PTPRN2: variants seen among roughly 807,000 people sequenced by gnomAD.
The protein encoded by PTPRN2 is receptor-type tyrosine-protein phosphatase N2.
PTPRN2 carries 74 observed loss-of-function variants against 118.8 expected under a neutral mutation model. The observed-to-expected ratio is 0.62, with a 90% CI of 0.52 to 0.76. PTPRN2 has a LOEUF of 0.76. Ranked by LOEUF, PTPRN2 falls within the 30% of genes least tolerant of loss-of-function variation. The pLI is 0.00. For missense variants in PTPRN2, 1,481 were observed against 1,394.4 expected, an observed-to-expected ratio of 1.06 and a Z score of -0.99; for synonymous variants, 641 against 608.0, an observed-to-expected ratio of 1.05 and a Z score of -0.80.
At chr7:158,227,660 C>T (rs558405689) in intron 3 of PTPRN2, among the ~76,000 whole-genome samples, 51 of 152,304 alleles carry the variant, frequency 3.3e-4, no homozygotes, top group African/African-American at 1.2e-3. Context: ...ATGCTCTTTA[C>T]GGAAGATGAA....
At chr7:158,067,305 G>A (rs1810847762) in intron 11 of PTPRN2, among the ~76,000 whole-genome samples, 3 of 152,368 alleles carry the variant, frequency 2.0e-5, no homozygotes, top group Middle Eastern at 6.8e-3. Flanking sequence ...CCCTGCCGCT[G>A]CTCCGGCCAG....
At chr7:158,161,313 G>C (rs888491353) in intron 6 of PTPRN2, among the ~76,000 whole-genome samples, 1 of 152,158 alleles carries the variant, frequency 6.6e-6, no homozygotes, top group African/African-American at 2.4e-5. Flanking sequence ...CCCATCATTA[G>C]GATGCACTAC....
intron 12 of PTPRN2, among the ~76,000 whole-genome samples, chr7:157,843,490 A>C (rs1449136839): frequency 6.6e-6 from 1 of 152,174 alleles, no homozygotes; most frequent in Non-Finnish European, 1.5e-5. Context: ...TCCTCAGCAA[A>C]GGACTGTGCC....
intron 2 of PTPRN2, among the ~76,000 whole-genome samples, chr7:158,407,214 CGTCCTGCGTCCT>C (rs1813587674): frequency 2.6e-4 from 6 of 22,894 alleles, no homozygotes; most frequent in Admixed American, 1.7e-3. Context: ...CTGGGTCCTG[CGTCCTGCGTCCT>C]GGGTCCTGGG....
intron 2 of PTPRN2, among the ~76,000 whole-genome samples, chr7:158,474,655 C>G (rs1820108470): frequency 6.6e-6 from 1 of 152,102 alleles, no homozygotes; most frequent in African/African-American, 2.4e-5. Context: ...CCAAGGTCAG[C>G]TAAGAGGCGG....
At chr7:157,657,054 CCA>C (rs1296962286) in intron 13 of PTPRN2, among the ~76,000 whole-genome samples, 2 of 129,944 alleles carry the variant, frequency 1.5e-5, no homozygotes, top group Non-Finnish European at 1.6e-5. Context: ...CACACATACA[CCA>C]CACACACCAC....
At chr7:157,885,014 G>A (rs182451823) in intron 12 of PTPRN2, among the ~76,000 whole-genome samples, 10 of 152,212 alleles carry the variant, frequency 6.6e-5, no homozygotes, top group South Asian at 2.1e-4. Flanking sequence ...AATCCACTTC[G>A]GCTTGTTTAT....
intron 6 of PTPRN2, among the ~76,000 whole-genome samples, chr7:158,150,252 G>T (rs1179820227): frequency 6.6e-6 from 1 of 152,250 alleles, no homozygotes; most frequent in Admixed American, 6.5e-5. Context: ...ATGTATTCAT[G>T]AGAGATTTTT....
intron 2 of PTPRN2, among the ~76,000 whole-genome samples, chr7:158,386,464 G>A (rs747906910): frequency 1.3e-5 from 2 of 151,128 alleles, no homozygotes; most frequent in Admixed American, 1.3e-4. Context: ...AGCTGCCTCC[G>A]TTCATCCAGG....
At chr7:157,574,021 C>A (rs899000115) in intron 19 of PTPRN2, among the ~76,000 whole-genome samples, 1 of 152,126 alleles carries the variant, frequency 6.6e-6, no homozygotes, top group Non-Finnish European at 1.5e-5. Context: ...AGGAAAACCA[C>A]GACATATTGA....
chr7:158,313,481 A>T (rs140160691), intron 3 of PTPRN2, among the ~76,000 whole-genome samples: 8 of 152,324 alleles, frequency 5.3e-5, no homozygotes, highest in African/African-American at 1.4e-4. Context: ...GGCCATGGGC[A>T]GTTCTGATAC....
intron 12 of PTPRN2, among the ~76,000 whole-genome samples, chr7:157,797,345 G>C (rs1804937757): frequency 6.6e-6 from 1 of 152,204 alleles, no homozygotes. Flanking sequence ...ACATCCCATC[G>C]CTCATCTTAA....
At chr7:157,589,367 C>T (rs1470749421) in intron 17 of PTPRN2, among the ~76,000 whole-genome samples, 1 of 152,230 alleles carries the variant, frequency 6.6e-6, no homozygotes, top group Non-Finnish European at 1.5e-5. Context: ...CTCGAATGTC[C>T]CCTCCAATGG....
intron 2 of PTPRN2, among the ~76,000 whole-genome samples, chr7:158,378,280 T>C (rs1810704451): frequency 6.6e-6 from 1 of 152,112 alleles, no homozygotes; most frequent in South Asian, 2.1e-4. Flanking sequence ...TGACATTCGC[T>C]CCCCAGGGCA....
At chr7:158,067,867 C>T (rs1458803247) in intron 11 of PTPRN2, among the ~76,000 whole-genome samples, 5 of 151,272 alleles carry the variant, frequency 3.3e-5, no homozygotes, top group African/African-American at 7.3e-5. Context: ...CACTGGGTCA[C>T]GCCGGGCCAT....
chr7:158,466,892 T>A (rs899893773), intron 2 of PTPRN2, among the ~76,000 whole-genome samples: 5 of 152,162 alleles, frequency 3.3e-5, no homozygotes, highest in African/African-American at 9.6e-5. Flanking sequence ...AATATAAAAA[T>A]TAGCTAGGCA....
chr7:157,856,026 A>C (rs1267443227), intron 12 of PTPRN2: 1 of 152,244 alleles, frequency 6.6e-6, no homozygotes, highest in African/African-American at 2.4e-5. Context: ...GGGTGGAGGA[A>C]GTCAGCTGTG....
chr7:158,575,898 T>C (rs1007309666), intron 1 of PTPRN2, among the ~76,000 whole-genome samples: 4 of 152,220 alleles, frequency 2.6e-5, no homozygotes, highest in Admixed American at 2.0e-4. Flanking sequence ...AATAAGTAGA[T>C]TGTTTTATAG....
intron 9 of PTPRN2, among the ~76,000 whole-genome samples, chr7:158,114,892 G>C (rs1365926847): frequency 6.6e-6 from 1 of 152,186 alleles, no homozygotes; most frequent in African/African-American, 2.4e-5. Flanking sequence ...GTCACTCAGA[G>C]AACTTGAGAG....
Sources: allele counts gnomAD v4.1 joint callset (sites outside exome capture counted in the v4.1 genomes callset), GRCh38; gene constraint gnomAD v4.1.1; transcripts MANE v1.5; gene names NCBI Gene and HGNC (gene_info 2026-07-23, HGNC 2026-07-21).